The following MACROD2 variants were observed in gnomAD, a reference collection of about 807,000 sequenced individuals.
The protein encoded by MACROD2 is mono-ADP ribosylhydrolase 2.
MACROD2 carries 36 observed loss-of-function variants against 70.4 expected under a neutral mutation model. The ratio of observed to expected loss-of-function variants is 0.51; its 90% CI spans 0.39 to 0.68. MACROD2 has a LOEUF of 0.68. MACROD2 is among the 30% of genes least tolerant of loss of function. MACROD2 has a pLI of 0.00. For synonymous variants in MACROD2, 172 were observed against 178.8 expected, an observed-to-expected ratio of 0.96 and a Z score of 0.30; for missense variants, 496 against 538.4, an observed-to-expected ratio of 0.92 and a Z score of 0.78.
chr20:15,641,946 A>G (rs1032234008), intron 8 of MACROD2, among the ~76,000 whole-genome samples: 4 of 152,190 alleles, frequency 2.6e-5, no homozygotes, highest in Admixed American at 1.3e-4. Flanking sequence ...GTATGAAAAC[A>G]TGTATATACT....
At chr20:14,712,764 TCTCA>T (rs1443729505) in intron 5 of MACROD2, among the ~76,000 whole-genome samples, 3 of 152,166 alleles carry the variant, frequency 2.0e-5, no homozygotes, top group South Asian at 2.1e-4. Flanking sequence ...TGATTTTTAA[TCTCA>T]CTCAGTTAGA....
chr20:15,526,278 C>T (rs1000944183), intron 8 of MACROD2, among the ~76,000 whole-genome samples: 4 of 151,934 alleles, frequency 2.6e-5, no homozygotes, highest in Admixed American at 2.6e-4. Context: ...CTAGCTGGAC[C>T]CCAAATATCT....
At chr20:15,226,775 C>G (rs1349931499) in intron 5 of MACROD2, among the ~76,000 whole-genome samples, 1 of 151,980 alleles carries the variant, frequency 6.6e-6, no homozygotes, top group Non-Finnish European at 1.5e-5. Context: ...CTACACAACA[C>G]AGAAGAGACC....
At chr20:14,846,656 C>CAGTT (rs1274556001) in intron 5 of MACROD2, among the ~76,000 whole-genome samples, 7 of 145,600 alleles carry the variant, frequency 4.8e-5, no homozygotes, top group East Asian at 4.2e-4. Context: ...TAGCTGGGAC[C>CAGTT]ACAGGCGCCC....
At chr20:15,286,153 C>T (rs1189357615) in intron 6 of MACROD2, among the ~76,000 whole-genome samples, 2 of 151,700 alleles carry the variant, frequency 1.3e-5, no homozygotes, top group Middle Eastern at 3.4e-3. Context: ...TTGAGGAAGG[C>T]GAAGAAGAGA....
At chr20:15,579,046 G>T (rs2048488014) in intron 8 of MACROD2, among the ~76,000 whole-genome samples, 1 of 152,026 alleles carries the variant, frequency 6.6e-6, no homozygotes, top group Non-Finnish European at 1.5e-5. Context: ...ATTTTGAATT[G>T]GTCGTTCTAA....
At position 16,044,623 on chromosome 20, in the gene MACROD2, A is replaced by T. The variant is rs1317206825; in HGVS notation, c.1284A>T (p.Gln428His). The part of the protein sequence containing the change: ...DKVNDPTESQ[Q>H]EDQLIAGAQD... The stretch of plus-strand genomic sequence containing the variant: ...TAAATGACCCAACAGAGAGTCAACA[A>T]GAAGATCAACTAATAGGTAAGATGC... Residue 428 changes from glutamine (Q) to histidine (H), a missense_variant, in exon 17 of 18, where the codon CAA (glutamine) becomes CAT (histidine). Transcript: ENST00000684519. 6.2e-7 allele frequency: 1 copy of T among 1,613,044 alleles called. No individual in the cohort carries two copies. Among genetic ancestry groups the T allele is most frequent in the Non-Finnish European group, 8.5e-7 (1 of 1,179,316 alleles).
At chr20:14,631,360 C>A (rs1388434636) in intron 4 of MACROD2, among the ~76,000 whole-genome samples, 1 of 152,156 alleles carries the variant, frequency 6.6e-6, no homozygotes. Flanking sequence ...TTTCTTAGCC[C>A]TTTTCTGCCT....
At chr20:15,517,242 C>T (rs1006310283) in intron 8 of MACROD2, among the ~76,000 whole-genome samples, 3 of 152,104 alleles carry the variant, frequency 2.0e-5, no homozygotes, top group Non-Finnish European at 2.9e-5. Flanking sequence ...CCTCATGCTC[C>T]AGGCCACCAC....
chr20:14,003,648 A>C, intron 2 of MACROD2: 1 of 452,692 alleles, frequency 2.2e-6, no homozygotes, highest in Non-Finnish European at 4.4e-6. Context: ...CTCAGAACAG[A>C]AGGGTGGGAA....
At chr20:16,022,713 C>T (rs956667264) in intron 15 of MACROD2, among the ~76,000 whole-genome samples, 2 of 152,186 alleles carry the variant, frequency 1.3e-5, no homozygotes, top group Admixed American at 1.3e-4. Flanking sequence ...AATCAGCCTC[C>T]ATGTCAGACA....
intron 6 of MACROD2, among the ~76,000 whole-genome samples, chr20:15,293,980 C>T (rs762914302): frequency 2.3e-4 from 35 of 151,896 alleles, no homozygotes; most frequent in Non-Finnish European, 4.3e-4. Flanking sequence ...ATTAGCTGGG[C>T]GTGGTGATGG....
At chr20:14,448,559 C>A (rs146943480) in intron 3 of MACROD2, among the ~76,000 whole-genome samples, 3,084 of 151,926 alleles carry the variant, frequency 0.02, 125 homozygotes, top group African/African-American at 0.07. Flanking sequence ...TGCCTGTAAT[C>A]CCAGCTACTC....
intron 7 of MACROD2, among the ~76,000 whole-genome samples, chr20:15,481,460 A>G (rs941219345): frequency 3.3e-5 from 5 of 152,226 alleles, no homozygotes; most frequent in African/African-American, 1.2e-4. Context: ...TCTACTATAT[A>G]GTATATATGG....
At chr20:14,284,421 A>G (rs774524288) in intron 3 of MACROD2, among the ~76,000 whole-genome samples, 7 of 152,240 alleles carry the variant, frequency 4.6e-5, no homozygotes, top group Non-Finnish European at 1.5e-5. Flanking sequence ...TGAAACAGCA[A>G]ATTACCTTAG....
intron 3 of MACROD2, among the ~76,000 whole-genome samples, chr20:14,488,652 A>T (rs1178865817): frequency 6.6e-6 from 1 of 152,198 alleles, no homozygotes; most frequent in Non-Finnish European, 1.5e-5. Context: ...TTACTATTAA[A>T]CATCTAAGTT....
chr20:15,579,461 T>G (rs2048494175), intron 8 of MACROD2, among the ~76,000 whole-genome samples: 1 of 152,176 alleles, frequency 6.6e-6, no homozygotes, highest in East Asian at 1.9e-4. Context: ...GCAATCACAC[T>G]CATTTTGTCA....
At chr20:15,529,744 A>T (rs1401879123) in intron 8 of MACROD2, among the ~76,000 whole-genome samples, 1 of 152,206 alleles carries the variant, frequency 6.6e-6, no homozygotes, top group Non-Finnish European at 1.5e-5. Context: ...TAAAACTCCT[A>T]ACTTGACTGA....
chr20:14,486,265 C>G (rs1024137527), intron 3 of MACROD2, among the ~76,000 whole-genome samples: 3 of 152,114 alleles, frequency 2.0e-5, no homozygotes, highest in Non-Finnish European at 4.4e-5. Flanking sequence ...GACCTTCTTT[C>G]AAGGGACATA....
Sources: allele counts gnomAD v4.1 joint callset (sites outside exome capture counted in the v4.1 genomes callset), GRCh38; gene constraint gnomAD v4.1.1; transcripts MANE v1.5; gene names NCBI Gene and HGNC (gene_info 2026-07-23, HGNC 2026-07-21).